The following RBFOX2 variants were observed in gnomAD, a reference collection of about 807,000 sequenced individuals.
RBFOX2 encodes RNA binding protein fox-1 homolog 2.
In RBFOX2, 10 loss-of-function variants were observed where a neutral mutation model predicts 49.1. That is an observed-to-expected ratio of 0.20 (90% CI 0.13 to 0.35). The LOEUF is 0.35. Ranked by LOEUF, RBFOX2 falls within the 10% of genes least tolerant of loss-of-function variation. The pLI, the probability that RBFOX2 is intolerant of heterozygous loss-of-function variation, is 1.00. For synonymous variants in RBFOX2, 183 were observed against 187.4 expected, an observed-to-expected ratio of 0.98 and a Z score of 0.19; for missense variants, 323 against 486.9, an observed-to-expected ratio of 0.66 and a Z score of 3.17.
chr22:35,758,387 A>G (rs1377558532), intron 9 of RBFOX2, among the ~76,000 whole-genome samples: 1 of 152,212 alleles, frequency 6.6e-6, no homozygotes, highest in Non-Finnish European at 1.5e-5. Flanking sequence ...AAAATAAGGA[A>G]GTCCCATGTT....
At chr22:35,926,111 T>C (rs1288513245) in intron 1 of RBFOX2, among the ~76,000 whole-genome samples, 1 of 152,244 alleles carries the variant, frequency 6.6e-6, no homozygotes, top group Non-Finnish European at 1.5e-5. Flanking sequence ...TGTCTTACCT[T>C]ATACTTAATT....
chr22:35,844,514 AG>A, upstream of RBFOX2, among the ~76,000 whole-genome samples: 1 of 151,414 alleles, frequency 6.6e-6, no homozygotes. Context: ...TTTTTTTTTG[AG>A]GTGGAGTCTC....
chr22:35,796,085 C>T (rs1391922192), intron 2 of RBFOX2, among the ~76,000 whole-genome samples: 1 of 152,162 alleles, frequency 6.6e-6, no homozygotes, highest in Non-Finnish European at 1.5e-5. Context: ...GTGATCCTCC[C>T]ACCTCAGCCT....
At chr22:35,933,926 T>TTATATATATATATATATATATATA (rs3075245) in intron 1 of RBFOX2, among the ~76,000 whole-genome samples, 2 of 118,020 alleles carry the variant, frequency 1.7e-5, no homozygotes, top group African/African-American at 3.9e-5. Flanking sequence ...TAATTAAATG[T>TTATATATATATATATATATATATA]TATATATATA....
At chr22:35,856,145 C>T (rs990230290) in intron 1 of RBFOX2, among the ~76,000 whole-genome samples, 1 of 151,874 alleles carries the variant, frequency 6.6e-6, no homozygotes, top group Non-Finnish European at 1.5e-5. Context: ...AGAAATAGAC[C>T]TCGTATTTAA....
intron 1 of RBFOX2, 44 bp downstream of exon 1, chr22:36,028,196 C>T: frequency 1.4e-6 from 2 of 1,429,438 alleles, no homozygotes; most frequent in Admixed American, 2.5e-5. Flanking sequence ...TCGACCCTCA[C>T]GCCCACCCCC....
At chr22:35,937,934 T>C (rs766542281) in intron 1 of RBFOX2, among the ~76,000 whole-genome samples, 33 of 152,140 alleles carry the variant, frequency 2.2e-4, no homozygotes, top group Non-Finnish European at 4.4e-4. Flanking sequence ...CTGATGAGAT[T>C]CAATGAACTT....
At chr22:35,965,801 G>T (rs1163783848), upstream of RBFOX2, among the ~76,000 whole-genome samples, 11 of 152,150 alleles carry the variant, frequency 7.2e-5, no homozygotes, top group African/African-American at 2.7e-4. Flanking sequence ...GACAGGAAAA[G>T]GATCAGTATG....
chr22:35,989,904 A>C (rs1417007767), intron 1 of RBFOX2, among the ~76,000 whole-genome samples: 1 of 152,180 alleles, frequency 6.6e-6, no homozygotes, highest in Non-Finnish European at 1.5e-5. Flanking sequence ...AATACTGGCC[A>C]TGTGCGGTGG....
At position 35,840,040 on chromosome 22, in the gene RBFOX2, C is replaced by A. The variant is rs1958451996; in HGVS notation, c.27+152G>T. On this transcript the variant is annotated intron_variant, in intron 1 of 11. Coordinates refer to ENST00000405409, the Ensembl canonical transcript of RBFOX2. ...ATAACACACACATAAACGGACTCAACAGACACAGACTTTTCAGCTGATAAC... is the reference window on the plus strand; with the variant it reads ...ATAACACACACATAAACGGACTCAAAAGACACAGACTTTTCAGCTGATAAC... The A allele has an allele frequency of 6.5e-6, 7 of 1,074,144 alleles. No homozygotes were observed. In the South Asian group the frequency reaches 8.3e-5, roughly 13 times the overall value. 66.5% of individuals were successfully genotyped at this position (1,074,144 alleles called of 1,614,324 possible). A position where few individuals can be genotyped will look rare whatever the true frequency, so the allele number is the denominator to read the frequency against.
At chr22:35,959,401 G>T (rs1403262873) in intron 1 of RBFOX2, among the ~76,000 whole-genome samples, 1 of 152,196 alleles carries the variant, frequency 6.6e-6, no homozygotes, top group Non-Finnish European at 1.5e-5. Flanking sequence ...GTAAGTGTAT[G>T]ATTATCTATA....
At chr22:35,843,202 G>C (rs2040730600), upstream of RBFOX2, among the ~76,000 whole-genome samples, 1 of 152,240 alleles carries the variant, frequency 6.6e-6, no homozygotes, top group African/African-American at 2.4e-5. Context: ...AATGTACCAA[G>C]GAGAAAATCA....
At chr22:35,975,182 A>G (rs958909486) in intron 1 of RBFOX2, among the ~76,000 whole-genome samples, 4 of 152,338 alleles carry the variant, frequency 2.6e-5, no homozygotes, top group South Asian at 2.1e-4. Flanking sequence ...TCAAATTGCT[A>G]TAGAAGTTCT....
intron 1 of RBFOX2, among the ~76,000 whole-genome samples, chr22:35,912,217 T>A (rs1055493224): frequency 1.3e-5 from 2 of 152,276 alleles, no homozygotes; most frequent in Admixed American, 1.3e-4. Flanking sequence ...AGCACACCAC[T>A]GGGAAAGCCC....
At chr22:35,902,229 C>T (rs148546008) in intron 1 of RBFOX2, among the ~76,000 whole-genome samples, 69 of 152,270 alleles carry the variant, frequency 4.5e-4, no homozygotes, top group African/African-American at 1.6e-3. Flanking sequence ...GAAGTCCTCC[C>T]ATCCCAACCA....
chr22:35,840,554 T>C, exon 1 of RBFOX2: 1 of 1,177,482 alleles, frequency 8.5e-7, no homozygotes, highest in Non-Finnish European at 1.1e-6. Flanking sequence ...CAGGCTGACA[T>C]CTCCCAACTC....
intron 1 of RBFOX2, among the ~76,000 whole-genome samples, chr22:35,974,349 G>A (rs763704993): frequency 2.6e-5 from 4 of 152,134 alleles, no homozygotes; most frequent in Non-Finnish European, 4.4e-5. Context: ...TCCTACATTC[G>A]TTCTCGTCTA....
intron 1 of RBFOX2, among the ~76,000 whole-genome samples, chr22:35,858,427 A>G (rs1406714200): frequency 6.6e-6 from 1 of 152,170 alleles, no homozygotes; most frequent in Non-Finnish European, 1.5e-5. Flanking sequence ...TTTCCTCTGA[A>G]CTTATATGGC....
At chr22:35,902,801 C>A (rs950721031) in intron 1 of RBFOX2, among the ~76,000 whole-genome samples, 1 of 146,756 alleles carries the variant, frequency 6.8e-6, no homozygotes, top group Non-Finnish European at 1.5e-5. Flanking sequence ...CATGCCACCA[C>A]GCCCAGCTAA....
Sources: allele counts gnomAD v4.1 joint callset (sites outside exome capture counted in the v4.1 genomes callset), GRCh38; gene constraint gnomAD v4.1.1; transcripts MANE v1.5; gene names NCBI Gene and HGNC (gene_info 2026-07-23, HGNC 2026-07-21).